FCHO2: variants seen among roughly 807,000 people sequenced by gnomAD.
The protein encoded by FCHO2 is F-BAR domain only protein 2.
Under a neutral mutation model 114.1 loss-of-function variants are expected in FCHO2, and 43 were observed. That is an observed-to-expected ratio of 0.38 (90% CI 0.30 to 0.49). The LOEUF (loss-of-function observed/expected upper bound fraction) is 0.49, where lower values mean the gene tolerates loss of function less well. FCHO2 is among the 20% of genes least tolerant of loss of function. The pLI, the probability that FCHO2 is intolerant of heterozygous loss-of-function variation, is 0.97. For synonymous variants in FCHO2, 293 were observed against 315.2 expected (o/e 0.93, Z 0.75); for missense variants, 807 against 950.4 (o/e 0.85, Z 1.98).
intron 2 of FCHO2, among the ~76,000 whole-genome samples, chr5:72,987,281 C>T (rs765158310): frequency 5.9e-5 from 9 of 152,066 alleles, no homozygotes; most frequent in Non-Finnish European, 8.8e-5. Context: ...CATGTTGGTC[C>T]TCAAAAAATA....
chr5:73,033,725 T>C (rs1284050723), intron 8 of FCHO2, among the ~76,000 whole-genome samples: 1 of 152,166 alleles, frequency 6.6e-6, no homozygotes, highest in Admixed American at 6.5e-5. Context: ...GGGAGATAAT[T>C]TTTTAGTCTC....
chr5:73,083,076 G>A (rs1743175626), intron 24 of FCHO2, among the ~76,000 whole-genome samples: 1 of 151,838 alleles, frequency 6.6e-6, no homozygotes. Flanking sequence ...AGTAGAAACA[G>A]GGTTTCACTA....
At chr5:73,079,951 G>A (rs1164682447) in intron 22 of FCHO2, among the ~76,000 whole-genome samples, 2 of 152,270 alleles carry the variant, frequency 1.3e-5, no homozygotes, top group South Asian at 2.1e-4. Context: ...TAATCTTGAA[G>A]TACAGAAGAC....
chr5:73,050,309 T>TTTATTTAC (rs1757283341), intron 11 of FCHO2, among the ~76,000 whole-genome samples: 1 of 150,122 alleles, frequency 6.7e-6, no homozygotes, highest in Non-Finnish European at 1.5e-5. Context: ...TATTTATTTA[T>TTTATTTAC]TTATTTATTT....
chr5:72,991,405 G>A (rs1353703345), intron 5 of FCHO2, among the ~76,000 whole-genome samples: 5 of 152,278 alleles, frequency 3.3e-5, no homozygotes, highest in Non-Finnish European at 7.4e-5. Context: ...ACATTTTCAG[G>A]ATATTTTTGT....
At chr5:72,966,419 G>A (rs1382641326) in intron 1 of FCHO2, among the ~76,000 whole-genome samples, 1 of 152,016 alleles carries the variant, frequency 6.6e-6, no homozygotes, top group African/African-American at 2.4e-5. Flanking sequence ...GGAGTAGCTG[G>A]GATTACAGGC....
intron 24 of FCHO2, among the ~76,000 whole-genome samples, chr5:73,086,554 T>A (rs751406258): frequency 1.3e-5 from 2 of 152,222 alleles, no homozygotes; most frequent in Admixed American, 1.3e-4. Flanking sequence ...CTCCTAAATA[T>A]CTTTCAAATA....
At chr5:73,010,997 T>C (rs1357025423) in intron 6 of FCHO2, among the ~76,000 whole-genome samples, 1 of 152,056 alleles carries the variant, frequency 6.6e-6, no homozygotes, top group East Asian at 1.9e-4. Context: ...TACAAACCTG[T>C]ACAGCCTGTT....
intron 19 of FCHO2, among the ~76,000 whole-genome samples, chr5:73,072,404 G>A (rs962174988): frequency 6.6e-6 from 1 of 151,902 alleles, no homozygotes; most frequent in Non-Finnish European, 1.5e-5. Context: ...TTACTTCTGG[G>A]TATATACCCA....
intron 10 of FCHO2, among the ~76,000 whole-genome samples, chr5:73,039,640 C>T (rs1271802232): frequency 6.6e-6 from 1 of 151,938 alleles, no homozygotes; most frequent in African/African-American, 2.4e-5. Context: ...AGAAAGTCAC[C>T]TGGGGGGCCA....
Position 73,089,805 on chromosome 5 carries a change from T to C in FCHO2, c.*1715T>C, listed in dbSNP as rs1743429092. 1 of 152,534 alleles carries C rather than the reference T, an allele frequency of 6.6e-6. No homozygotes were observed. The highest frequency in any genetic ancestry group is 2.4e-5 in the African/African-American group (1 of 41,450). 9.4% of individuals were successfully genotyped at this position (152,534 alleles called of 1,614,324 possible). ...AGAAAATCTACTCTTTAGCAATATA[T>C]AACACAGTATATGCTTTTTTATATA... On this transcript the variant is annotated 3_prime_UTR_variant, in exon 26 of 26. Coordinates refer to ENST00000430046, the MANE Select transcript of FCHO2 (RefSeq NM_138782.3).
At chr5:73,041,073 T>A (rs1007617002) in intron 10 of FCHO2, among the ~76,000 whole-genome samples, 16 of 152,114 alleles carry the variant, frequency 1.1e-4, no homozygotes. Flanking sequence ...TTGTAAGCTG[T>A]TTGTTTTTTA....
chr5:73,028,883 G>T (rs1047915604), intron 8 of FCHO2, among the ~76,000 whole-genome samples: 1 of 151,878 alleles, frequency 6.6e-6, no homozygotes, highest in African/African-American at 2.4e-5. Context: ...TCCTGACCTC[G>T]TGATCCACCC....
intron 18 of FCHO2, among the ~76,000 whole-genome samples, chr5:73,065,251 T>C (rs1758009425): frequency 6.6e-6 from 1 of 152,050 alleles, no homozygotes; most frequent in Non-Finnish European, 1.5e-5. Context: ...CTTTTTTAAA[T>C]CGTTATGACT....
chr5:72,985,204 A>C (rs1049060927), intron 2 of FCHO2, among the ~76,000 whole-genome samples: 4 of 151,798 alleles, frequency 2.6e-5, no homozygotes, highest in African/African-American at 9.7e-5. Context: ...TCTGTCACCC[A>C]GGCTGGAGTA....
At chr5:73,054,930 T>C (rs1757516306) in intron 15 of FCHO2, 1 of 169,866 alleles carries the variant, frequency 5.9e-6, no homozygotes, top group African/African-American at 2.4e-5. Flanking sequence ...TCTATTATAA[T>C]TTAATTATAC....
intron 5 of FCHO2, among the ~76,000 whole-genome samples, chr5:73,001,725 C>T (rs1468403232): frequency 6.6e-6 from 1 of 151,416 alleles, no homozygotes; most frequent in East Asian, 1.9e-4. Flanking sequence ...AGGCAGGAGC[C>T]CAGGAGTTCA....
intron 6 of FCHO2, among the ~76,000 whole-genome samples, chr5:73,010,177 G>A (rs1002352431): frequency 2.4e-4 from 36 of 152,148 alleles, no homozygotes; most frequent in African/African-American, 8.7e-4. Flanking sequence ...AATCAAATTT[G>A]GGTGGTAGGA....
chr5:73,006,395 G>GA, intron 5 of FCHO2, 50 bp from the exon 6 acceptor site: 1 of 1,137,616 alleles, frequency 8.8e-7, no homozygotes, highest in Non-Finnish European at 1.2e-6. Context: ...CATTAGGAAA[G>GA]AAAAAAGGTC....
Sources: gnomAD v4.1 joint callset for allele counts (sites outside exome capture counted in the v4.1 genomes callset) on GRCh38, gnomAD v4.1.1 for gene constraint, MANE v1.5 for transcripts, NCBI Gene and HGNC (gene_info 2026-07-23, HGNC 2026-07-21) for gene names.